RORA: variants seen among roughly 807,000 people sequenced by gnomAD.
The protein encoded by RORA is nuclear receptor ROR-alpha.
RORA carries 7 observed loss-of-function variants against 69.5 expected under a neutral mutation model. The observed-to-expected ratio is 0.10, with a 90% CI of 0.06 to 0.19. The LOEUF (loss-of-function observed/expected upper bound fraction) is 0.19. Among genes scored for constraint, RORA ranks in the 10% least tolerant of loss-of-function variants. RORA has a pLI of 1.00. For missense variants in RORA, 457 were observed against 663.0 expected (o/e 0.69, Z 3.41); for synonymous variants, 261 against 240.8 (o/e 1.08, Z -0.78).
intron 1 of RORA, among the ~76,000 whole-genome samples, chr15:61,163,618 C>A (rs1020806875): frequency 6.6e-6 from 1 of 152,144 alleles, no homozygotes; most frequent in South Asian, 2.1e-4. Context: ...AGATACGTGC[C>A]AAGCAGGGCA....
intron 1 of RORA, among the ~76,000 whole-genome samples, chr15:60,974,487 T>G (rs1333472860): frequency 6.6e-6 from 1 of 151,954 alleles, no homozygotes; most frequent in Non-Finnish European, 1.5e-5. Flanking sequence ...CTAAGGAGAG[T>G]GTGATTAGCT....
chr15:60,886,801 C>T (rs145096553), intron 1 of RORA, among the ~76,000 whole-genome samples: 200 of 152,346 alleles, frequency 1.3e-3, no homozygotes, highest in African/African-American at 4.2e-3. Context: ...ATAGTTACAA[C>T]TTCTTCCTAG....
At chr15:60,620,812 G>A (rs186343623) in intron 2 of RORA, among the ~76,000 whole-genome samples, 1 of 152,368 alleles carries the variant, frequency 6.6e-6, no homozygotes, top group African/African-American at 2.4e-5. Context: ...GGGCACCCTG[G>A]CGCTGATGGC....
chr15:60,864,232 A>C (rs1009025963), intron 1 of RORA, among the ~76,000 whole-genome samples: 2 of 152,210 alleles, frequency 1.3e-5, no homozygotes, highest in African/African-American at 4.8e-5. Context: ...AGCTTGTGAA[A>C]ATGACTGTTG....
chr15:60,514,817 A>C, intron 3 of RORA, 60 bp from the exon 4 acceptor site: 1 of 1,375,004 alleles, frequency 7.3e-7, no homozygotes, highest in Non-Finnish European at 1.0e-6. Context: ...TATGATACTA[A>C]AGGCAGGATG....
chr15:61,095,421 C>A (rs548208251), intron 1 of RORA, among the ~76,000 whole-genome samples: 2 of 152,054 alleles, frequency 1.3e-5, no homozygotes, highest in African/African-American at 4.8e-5. Context: ...ATAATATGTA[C>A]TAATAATTGT....
chr15:60,819,769 A>ACACACACACACGCG (rs1555455778), intron 1 of RORA, among the ~76,000 whole-genome samples: 13 of 150,158 alleles, frequency 8.7e-5, no homozygotes, highest in East Asian at 3.9e-4. Context: ...ACACACACAC[A>ACACACACACACGCG]CACACACACA....
chr15:61,121,148 C>T, intron 1 of RORA, among the ~76,000 whole-genome samples: 1 of 152,240 alleles, frequency 6.6e-6, no homozygotes, highest in East Asian at 1.9e-4. Context: ...CCATGCCCAG[C>T]CAATTAAGCC....
intron 1 of RORA, among the ~76,000 whole-genome samples, chr15:60,939,416 T>C (rs1207810391): frequency 1.3e-5 from 2 of 152,278 alleles, no homozygotes; most frequent in South Asian, 2.1e-4. Context: ...TGAGGTGTTC[T>C]TCTGACTGGA....
chr15:61,099,563 T>C (rs1173512541), intron 1 of RORA, among the ~76,000 whole-genome samples: 3 of 152,198 alleles, frequency 2.0e-5, no homozygotes, highest in Admixed American at 1.3e-4. Context: ...CAGACACAGG[T>C]TGGTGGTTAT....
chr15:61,214,395 G>A (rs1333992921), intron 1 of RORA, among the ~76,000 whole-genome samples: 7 of 152,274 alleles, frequency 4.6e-5, no homozygotes, highest in East Asian at 3.9e-4. Context: ...TAAAACTTAC[G>A]TTGTTGATTT....
chr15:60,787,475 G>C (rs56984897), intron 1 of RORA, among the ~76,000 whole-genome samples: 20,240 of 152,218 alleles, frequency 0.13, 1,699 homozygotes, highest in East Asian at 0.42. Context: ...CTCTGCAAGG[G>C]GTGGAGTGGG....
chr15:60,981,097 G>GTA (rs1894031077), intron 1 of RORA, among the ~76,000 whole-genome samples: 1 of 66,340 alleles, frequency 1.5e-5, no homozygotes, highest in African/African-American at 7.3e-5. Context: ...TTGGTTTACA[G>GTA]TATTTTTTTT....
rs112678138 is a variant in RORA at position 60,653,744 on chromosome 15, G to A, written c.196+24913C>T. ...CTTTCTCAGCTCAGAGTCCGACTGT[G>A]TCTGCCTCTCAAGCCCTGTTTCAGC... On this transcript the variant is annotated intron_variant, in intron 2 of 10. Coordinates refer to ENST00000335670, the MANE Select transcript of RORA (RefSeq NM_134261.3). 4.8e-3 allele frequency among the ~76,000 whole-genome samples: 726 copies of A among 151,818 alleles called. 3 individuals are homozygous for A. Among genetic ancestry groups the A allele is most frequent in the African/African-American group, 0.017 (684 of 41,384 alleles).
At chr15:60,924,027 T>A (rs1595819588) in intron 1 of RORA, among the ~76,000 whole-genome samples, 1 of 152,138 alleles carries the variant, frequency 6.6e-6, no homozygotes, top group African/African-American at 2.4e-5. Flanking sequence ...CAGAGGTGGG[T>A]CCAGAAAGGG....
Position 61,199,759 on chromosome 15 carries a change from A to T in RORA, c.166+29294T>A, listed in dbSNP as rs1051049163. Among the ~76,000 whole-genome samples the T allele has an allele frequency of 1.9e-4, 29 of 152,350 alleles. No homozygotes were observed. The East Asian group carries it at 2.7e-3, about 14-fold the overall frequency. ...GGAAATGTAATCACATATGACAAGG[A>T]TTATCAAAACTGCTTACACAGTAAA... On this transcript the variant is annotated intron_variant, in intron 1 of 10. Transcript: ENST00000335670.
intron 1 of RORA, among the ~76,000 whole-genome samples, chr15:61,015,625 A>G (rs989347183): frequency 6.6e-6 from 1 of 152,166 alleles, no homozygotes; most frequent in Non-Finnish European, 1.5e-5. Flanking sequence ...TCACCACCAC[A>G]ATGCCATGAA....
At chr15:60,632,151 G>C (rs1356394203) in intron 2 of RORA, among the ~76,000 whole-genome samples, 1 of 151,198 alleles carries the variant, frequency 6.6e-6, no homozygotes, top group Non-Finnish European at 1.5e-5. Flanking sequence ...CTGTTGTCCA[G>C]GCTGGAGTGC....
Position 60,687,275 on chromosome 15 carries a change from G to A in RORA, c.167-8589C>T, listed in dbSNP as rs535350773. 3.1e-3 allele frequency among the ~76,000 whole-genome samples: 467 copies of A among 152,230 alleles called. 1 individual carries two copies. Among genetic ancestry groups the A allele is most frequent in the African/African-American group, 0.011 (447 of 41,542 alleles). ...GAGAGGTGGTGACCAGTTATTTCCT[G>A]ATATATAGAATACCATGGGTCCATA... On this transcript the variant is annotated intron_variant, in intron 1 of 10. Coordinates refer to ENST00000335670, the MANE Select transcript of RORA (RefSeq NM_134261.3).
Sources: gnomAD v4.1 joint callset for allele counts (sites outside exome capture counted in the v4.1 genomes callset) on GRCh38, gnomAD v4.1.1 for gene constraint, MANE v1.5 for transcripts, NCBI Gene and HGNC (gene_info 2026-07-23, HGNC 2026-07-21) for gene names.